HDGFL3: variants seen among roughly 807,000 people sequenced by gnomAD.
HDGFL3 encodes HDGF like 3, also known as hepatoma-derived growth factor-related protein 3.
HDGFL3 carries 6 observed loss-of-function variants against 27.6 expected under a neutral mutation model. That is an observed-to-expected ratio of 0.22 (90% CI 0.12 to 0.43). The LOEUF is 0.43. Among genes scored for constraint, HDGFL3 ranks in the 20% least tolerant of loss-of-function variants. The pLI is 1.00. For missense variants in HDGFL3, 207 were observed against 250.1 expected (o/e 0.83, Z 1.16); for synonymous variants, 88 against 88.9 (o/e 0.99, Z 0.05).
At chr15:83,159,411 C>A in intron 2 of HDGFL3, among the ~76,000 whole-genome samples, 1 of 152,194 alleles carries the variant, frequency 6.6e-6, no homozygotes, top group East Asian at 1.9e-4. Context: ...ATTGATTGAA[C>A]ATTTGTTAAT....
intron 1 of HDGFL3, among the ~76,000 whole-genome samples, chr15:83,196,214 ATTGAC>A (rs2037569892): frequency 1.3e-5 from 2 of 151,850 alleles, no homozygotes; most frequent in African/African-American, 4.8e-5. Flanking sequence ...CATTATATTT[ATTGAC>A]TTATTTATTA....
exon 4 of HDGFL3, chr15:83,112,968 T>A: frequency 7.7e-7 from 1 of 1,291,958 alleles, no homozygotes; most frequent in Non-Finnish European, 1.1e-6. Flanking sequence ...CTCAGTCACA[T>A]ATTCCTCCTT....
chr15:83,144,326 T>C (rs2036847703), intron 5 of HDGFL3, among the ~76,000 whole-genome samples: 1 of 152,270 alleles, frequency 6.6e-6, no homozygotes, highest in African/African-American at 2.4e-5. Flanking sequence ...CAATGATTCC[T>C]GCCTCCGGTA....
At chr15:83,162,177 G>C (rs1567170086) in intron 2 of HDGFL3, among the ~76,000 whole-genome samples, 1 of 152,144 alleles carries the variant, frequency 6.6e-6, no homozygotes. Flanking sequence ...ACTGTGTTAA[G>C]CACTGTGTAA....
intron 1 of HDGFL3, among the ~76,000 whole-genome samples, chr15:83,175,597 T>C (rs2037299060): frequency 6.6e-6 from 1 of 152,174 alleles, no homozygotes; most frequent in South Asian, 2.1e-4. Context: ...CGGTGGCTCA[T>C]GCCTGTAATC....
chr15:83,151,469 T>C (rs2036962858), intron 4 of HDGFL3, 108 bp from the exon 5 acceptor site: 5 of 893,128 alleles, frequency 5.6e-6, no homozygotes, highest in Admixed American at 2.8e-5. Context: ...TAGTGGTTGA[T>C]AGAGGATATA....
At chr15:83,170,318 A>G (rs574385460) in intron 1 of HDGFL3, among the ~76,000 whole-genome samples, 3 of 152,252 alleles carry the variant, frequency 2.0e-5, no homozygotes, top group Admixed American at 1.3e-4. Context: ...ACTTCAAACT[A>G]TACTGTAAGG....
chr15:83,202,642 T>C (rs1216626386), intron 1 of HDGFL3, among the ~76,000 whole-genome samples: 1 of 152,128 alleles, frequency 6.6e-6, no homozygotes, highest in Non-Finnish European at 1.5e-5. Flanking sequence ...TCATATAAAA[T>C]GTGTTTTTTA....
chr15:83,194,688 G>A, intron 1 of HDGFL3, among the ~76,000 whole-genome samples: 1 of 152,074 alleles, frequency 6.6e-6, no homozygotes, highest in East Asian at 1.9e-4. Context: ...AAAGTGGTTA[G>A]TGTGAATTCC....
At chr15:83,165,580 G>A (rs906297200) in intron 1 of HDGFL3, among the ~76,000 whole-genome samples, 2 of 152,064 alleles carry the variant, frequency 1.3e-5, no homozygotes, top group African/African-American at 2.4e-5. Context: ...GCCCTGTAAA[G>A]CCACATGACA....
rs144001336 is a variant in HDGFL3 at position 83,118,846 on chromosome 15, C to A, written c.394-3105G>T. Among the ~76,000 whole-genome samples the A allele has an allele frequency of 8.5e-4, 129 of 152,258 alleles. No homozygotes were observed. The East Asian group carries it at 0.023, about 27-fold the overall frequency. ...TTCTAGAAGCCACCTGGAAATGTAA[C>A]CACCTAGAAAAGGGAAATGTAGTTC... is the stretch of plus-strand genomic sequence containing the variant. On this transcript the variant is annotated intron_variant, in intron 3 of 3. Coordinates refer to the HDGFL3 transcript ENST00000568294.
chr15:83,191,931 TCTC>T (rs1308399423), intron 1 of HDGFL3, among the ~76,000 whole-genome samples: 2 of 147,448 alleles, frequency 1.4e-5, no homozygotes, highest in South Asian at 2.2e-4. Context: ...GTAACTTATC[TCTC>T]CTTTTTTTTT....
In HDGFL3 at chr15:83,162,747, A is replaced by C. The variant is rs76213270; in HGVS notation, c.161+1252T>G. On this transcript the variant is annotated intron_variant, in intron 2 of 5. Transcript: ENST00000299633. ...AAGAATGAGGAAGATGTTGGGTGGC[A>C]GAGACAACAAGCTAAGAAAGTTCAT... Among the ~76,000 whole-genome samples the C allele has an allele frequency of 5.7e-3, 867 of 152,314 alleles. 40 individuals carry two copies. The East Asian group carries it at 0.11, about 19-fold the overall frequency.
chr15:83,197,770 A>G (rs904439682), intron 1 of HDGFL3, among the ~76,000 whole-genome samples: 5 of 152,160 alleles, frequency 3.3e-5, no homozygotes, highest in African/African-American at 1.2e-4. Context: ...ACTACCTTTA[A>G]GAAGTCAATT....
intron 1 of HDGFL3, among the ~76,000 whole-genome samples, chr15:83,187,538 T>G (rs528158534): frequency 3.3e-5 from 5 of 152,344 alleles, no homozygotes; most frequent in African/African-American, 1.2e-4. Context: ...TATAATTTAT[T>G]TAACCTTTCC....
At chr15:83,178,527 G>C (rs1463280174) in intron 1 of HDGFL3, among the ~76,000 whole-genome samples, 1 of 152,144 alleles carries the variant, frequency 6.6e-6, no homozygotes, top group Non-Finnish European at 1.5e-5. Flanking sequence ...AGCCAGGTGT[G>C]GTGGTGCATG....
chr15:83,205,887 G>A (rs558737289), intron 1 of HDGFL3, among the ~76,000 whole-genome samples: 3 of 152,314 alleles, frequency 2.0e-5, no homozygotes, highest in Non-Finnish European at 4.4e-5. Flanking sequence ...CTTATCTTAA[G>A]GACAATCTAC....
chr15:83,159,414 T>C (rs2037070142), intron 2 of HDGFL3, among the ~76,000 whole-genome samples: 1 of 152,210 alleles, frequency 6.6e-6, no homozygotes, highest in African/African-American at 2.4e-5. Context: ...GATTGAACAT[T>C]TGTTAATACA....
intron 5 of HDGFL3, among the ~76,000 whole-genome samples, chr15:83,146,231 T>A (rs2036890022): frequency 6.6e-6 from 1 of 152,128 alleles, no homozygotes; most frequent in African/African-American, 2.4e-5. Flanking sequence ...CTGTAAATAC[T>A]GTCTTAAGCC....
Sources: gnomAD v4.1 joint callset for allele counts (sites outside exome capture counted in the v4.1 genomes callset) on GRCh38, gnomAD v4.1.1 for gene constraint, MANE v1.5 for transcripts, NCBI Gene and HGNC (gene_info 2026-07-23, HGNC 2026-07-21) for gene names.